KLHL6: variants seen among roughly 807,000 people sequenced by gnomAD.
The protein encoded by KLHL6 is kelch like family member 6, also known as kelch-like protein 6.
KLHL6 carries 41 observed loss-of-function variants against 58.6 expected under a neutral mutation model. The observed-to-expected ratio is 0.70, with a 90% CI of 0.55 to 0.91. KLHL6 has a LOEUF of 0.91. KLHL6 is among the 40% of genes least tolerant of loss of function. KLHL6 has a pLI of 0.00. For synonymous variants in KLHL6, 338 were observed against 322.7 expected (o/e 1.05, Z -0.51); for missense variants, 714 against 805.6 (o/e 0.89, Z 1.38).
chr3:183,539,476 G>A (rs534989437), intron 1 of KLHL6, among the ~76,000 whole-genome samples: 5 of 151,958 alleles, frequency 3.3e-5, no homozygotes, highest in East Asian at 3.9e-4. Context: ...TTGGGATGCC[G>A]AGGCTGGCAG....
At chr3:183,505,540 G>A (rs1299173804) in intron 3 of KLHL6, among the ~76,000 whole-genome samples, 1 of 151,790 alleles carries the variant, frequency 6.6e-6, no homozygotes, top group Admixed American at 6.6e-5. Flanking sequence ...TGATCAGAGT[G>A]GAAATAGGTG....
chr3:183,532,678 A>T (rs182253990), intron 1 of KLHL6, among the ~76,000 whole-genome samples: 506 of 152,342 alleles, frequency 3.3e-3, no homozygotes, highest in Non-Finnish European at 6.2e-3. Context: ...ATGAAGAGAA[A>T]CTAGCAGACA....
At chr3:183,519,729 T>A (rs1319276966) in intron 2 of KLHL6, among the ~76,000 whole-genome samples, 1 of 150,570 alleles carries the variant, frequency 6.6e-6, no homozygotes, top group African/African-American at 2.4e-5. Flanking sequence ...TCTAAAATAA[T>A]AATAATAATA....
chr3:183,507,276 T>A (rs565961261), intron 3 of KLHL6, among the ~76,000 whole-genome samples: 1 of 152,190 alleles, frequency 6.6e-6, no homozygotes, highest in Non-Finnish European at 1.5e-5. Flanking sequence ...TTGAGAAATT[T>A]CCAGAAATTC....
chr3:183,506,404 G>A (rs935840512), intron 3 of KLHL6, among the ~76,000 whole-genome samples: 1 of 152,204 alleles, frequency 6.6e-6, no homozygotes, highest in African/African-American at 2.4e-5. Flanking sequence ...ATCTAGAGAT[G>A]TAAAGTGCAA....
intron 1 of KLHL6, among the ~76,000 whole-genome samples, chr3:183,550,367 C>T (rs994753669): frequency 2.0e-5 from 3 of 152,124 alleles, no homozygotes; most frequent in African/African-American, 7.2e-5. Flanking sequence ...GGATGTGACT[C>T]TCCAGATTAA....
chr3:183,528,157 C>A (rs1241463493), intron 1 of KLHL6, 147 bp from the exon 2 acceptor site: 7 of 793,392 alleles, frequency 8.8e-6, no homozygotes, highest in African/African-American at 6.9e-5. Context: ...TTCTCCAGCA[C>A]CCCCTACGCA....
Position 183,536,321 on chromosome 3 carries a change from G to A in KLHL6, c.294-8311C>T, listed in dbSNP as rs146415626. Among the ~76,000 whole-genome samples the A allele has an allele frequency of 1.2e-3, 188 of 152,362 alleles. 5 individuals are homozygous for A. The East Asian group carries it at 0.032, about 26-fold the overall frequency. On this transcript the variant is annotated intron_variant, in intron 1 of 6. Transcript: ENST00000341319. ...ATTGTCCCACCAGGAGGCAAGGGCCGTGATACTCTCTGACCACACTGACTG... is the reference window on the plus strand; with the variant it reads ...ATTGTCCCACCAGGAGGCAAGGGCCATGATACTCTCTGACCACACTGACTG...
intron 2 of KLHL6, among the ~76,000 whole-genome samples, chr3:183,518,821 C>T (rs571930277): frequency 6.6e-6 from 1 of 152,230 alleles, no homozygotes; most frequent in Non-Finnish European, 1.5e-5. Context: ...GAACGGATGA[C>T]AAAGCAAGAG....
In KLHL6 at chr3:183,508,095, G is replaced by A. The variant is rs1407659257; in HGVS notation, c.873C>T (p.Leu291=). ...IRQCPEVFPL[L]QEARMYHLSG... ...AAAGGTGGTACATCCTGGCTTCCTG[G>A]AGCAGCGGGAAGACCTCTGGGCACT... Residue 291 remains leucine, a synonymous_variant, in exon 3 of 7, where the codon CTC becomes CTT. Coordinates refer to ENST00000341319, the MANE Select transcript of KLHL6 (RefSeq NM_130446.4). 6.2e-7 allele frequency: 1 copy of A among 1,613,974 alleles called. No homozygotes were observed. The highest frequency in any genetic ancestry group is 1.3e-5 in the African/African-American group (1 of 74,890).
Position 183,499,714 on chromosome 3 carries a change from G to T in KLHL6, c.1023C>A (p.Asp341Glu). 6.2e-7 allele frequency: 1 copy of T among 1,611,266 alleles called. No homozygotes were observed. The highest frequency in any genetic ancestry group is 8.5e-7 in the Non-Finnish European group (1 of 1,178,934). Residue 341 changes from aspartate to glutamate, a missense_variant, in exon 4 of 7, where the codon GAC becomes GAA. Coordinates refer to ENST00000341319, the MANE Select transcript of KLHL6 (RefSeq NM_130446.4). This position sits in a 1 kb window ranked among gnomAD's most constrained non-coding sequence, Gnocchi z 4.6. ...CCTCCAGGCGGCTGCGCCTCAGGGG[G>T]TCCAGGCAGGTCACCTCTGCCACAA... ...ERFVAEVTCL[D>E]PLRRSRLEVA...
At chr3:183,508,033 T>C in intron 3 of KLHL6, 26 bp downstream of exon 3, 5 of 1,598,474 alleles carry the variant, frequency 3.1e-6, no homozygotes, top group Non-Finnish European at 4.3e-6. Flanking sequence ...GCTGGTTAAA[T>C]ATAGCACCTC....
At chr3:183,541,795 C>G (rs1577202057) in intron 1 of KLHL6, among the ~76,000 whole-genome samples, 1 of 152,244 alleles carries the variant, frequency 6.6e-6, no homozygotes, top group South Asian at 2.1e-4. Context: ...AGCTGTGGCT[C>G]TATCTCCAAG....
chr3:183,546,995 T>C, intron 1 of KLHL6, among the ~76,000 whole-genome samples: 1 of 147,384 alleles, frequency 6.8e-6, no homozygotes, highest in East Asian at 2.1e-4. Context: ...CTCTGCAACC[T>C]CCGCCGTCCG....
intron 1 of KLHL6, among the ~76,000 whole-genome samples, chr3:183,537,192 A>G (rs1169995054): frequency 6.6e-6 from 1 of 152,138 alleles, no homozygotes; most frequent in Non-Finnish European, 1.5e-5. Context: ...ACTCAGACAA[A>G]GCTTGGTCCC....
chr3:183,501,562 G>A (rs942522497), intron 3 of KLHL6, among the ~76,000 whole-genome samples: 10 of 152,122 alleles, frequency 6.6e-5, no homozygotes, highest in Non-Finnish European at 1.3e-4. Flanking sequence ...TAACCTGTTG[G>A]GTGATTGAGA....
In KLHL6 at chr3:183,492,634, C is replaced by T. The variant is rs1429212863; in HGVS notation, c.1424G>A (p.Gly475Glu). 6.2e-7 allele frequency: 1 copy of T among 1,614,016 alleles called. No individual in the cohort carries two copies. Among genetic ancestry groups the T allele is most frequent in the Non-Finnish European group, 8.5e-7 (1 of 1,180,042 alleles). Reference sequence around the variant, plus strand: ...TGTGGCCAGTTTCCCATTGGGCCCTCCCCCGATCACATACAGCTTCTTCTT... The same window carrying T: ...TGTGGCCAGTTTCCCATTGGGCCCTTCCCCGATCACATACAGCTTCTTCTT... ...SHKKKLYVIGGGPNGKLATDK... is the reference protein window; with the variant it reads ...SHKKKLYVIGEGPNGKLATDK... The change falls in exon 6 of 7, where the codon GGA becomes GAA. Residue 475 changes from glycine to glutamate, a missense_variant. Gly to Glu is a moderately conservative substitution (Grantham distance 98). This residue lies in a region of KLHL6 where 510 missense variants were observed against 629.7 expected (regional missense o/e 0.81). Transcript: ENST00000341319. The surrounding 1 kb of genome is among the most constrained non-coding windows in gnomAD (Gnocchi z 5.9).
chr3:183,544,867 G>T (rs1712670354), intron 1 of KLHL6: 1 of 151,562 alleles, frequency 6.6e-6, no homozygotes, highest in South Asian at 2.1e-4. Context: ...CCACCTCCCT[G>T]GCACAGTGAT....
intron 1 of KLHL6, among the ~76,000 whole-genome samples, chr3:183,546,505 C>T (rs1197907594): frequency 6.6e-6 from 1 of 152,192 alleles, no homozygotes; most frequent in Non-Finnish European, 1.5e-5. Context: ...AAGTCCTCCC[C>T]ACAGGAGTCC....
Sources: allele counts gnomAD v4.1 joint callset (sites outside exome capture counted in the v4.1 genomes callset), GRCh38; gene constraint gnomAD v4.1.1; regional missense constraint gnomAD v4.1.1; non-coding constraint Gnocchi (gnomAD v3.1); transcripts MANE v1.5; gene names NCBI Gene and HGNC (gene_info 2026-07-23, HGNC 2026-07-21).